Variants in NT5DC1 observed in about 807,000 individuals in gnomAD.
NT5DC1 encodes 5'-nucleotidase domain containing 1, also known as 5'-nucleotidase domain-containing protein 1.
A neutral mutation model predicts 59.4 loss-of-function variants in NT5DC1; 42 were observed. That is an observed-to-expected ratio of 0.71 (90% CI 0.55 to 0.92). NT5DC1 has a LOEUF of 0.92. Among genes scored for constraint, NT5DC1 ranks in the 40% least tolerant of loss-of-function variants. NT5DC1 has a pLI of 0.00. For missense variants in NT5DC1, 501 were observed against 537.1 expected, an observed-to-expected ratio of 0.93 and a Z score of 0.66; for synonymous variants, 172 against 188.1, an observed-to-expected ratio of 0.91 and a Z score of 0.70.
At chr6:116,159,091 C>A (rs1268266290) in intron 6 of NT5DC1, among the ~76,000 whole-genome samples, 1 of 152,154 alleles carries the variant, frequency 6.6e-6, no homozygotes, top group Non-Finnish European at 1.5e-5. Flanking sequence ...TGTCTACTTA[C>A]TAACTAGCAA....
chr6:116,165,309 A>G lies in NT5DC1; in HGVS notation c.529+47364A>G, dbSNP rs79723287. 2.3e-3 allele frequency among the ~76,000 whole-genome samples: 343 copies of G among 152,154 alleles called. 2 individuals carry two copies. The highest frequency in any genetic ancestry group is 8.1e-3 in the African/African-American group (337 of 41,494). ...ACCTTGGATAGTCTGATAACTATAT[A>G]CCTTGGTGATGTTCACCTTATATCA... is the stretch of plus-strand genomic sequence containing the variant. On this transcript the variant is annotated intron_variant, in intron 6 of 11. Coordinates refer to ENST00000319550, the MANE Select transcript of NT5DC1 (RefSeq NM_152729.3).
At chr6:116,238,483 A>G (rs539431928) in intron 10 of NT5DC1, 135 bp downstream of exon 10, 217 of 423,406 alleles carry the variant, frequency 5.1e-4, no homozygotes, top group Middle Eastern at 2.5e-3. Context: ...AAAAAAAAAA[A>G]AGAGACTAAT....
At chr6:116,226,025 A>G (rs549038247) in intron 8 of NT5DC1, among the ~76,000 whole-genome samples, 1 of 152,334 alleles carries the variant, frequency 6.6e-6, no homozygotes, top group South Asian at 2.1e-4. Context: ...CCCAAATCTC[A>G]GTAGTGCCAA....
rs60827021 is a variant in NT5DC1 at position 116,220,122 on chromosome 6, C to CTTTTTTTTTTT, written c.530-919_530-909dup. Among the ~76,000 whole-genome samples, 671 of 98,584 alleles carry CTTTTTTTTTTT rather than the reference C, an allele frequency of 6.8e-3. 20 individuals carry two copies. The highest frequency in any genetic ancestry group is 0.027 in the African/African-American group (615 of 23,000). The allele number at this position is 98,584 out of a possible 152,430, so 64.7% of individuals were successfully genotyped here. A position where few individuals can be genotyped will look rare whatever the true frequency, so the allele number is the denominator to read the frequency against. On this transcript the variant is annotated intron_variant, in intron 6 of 11. Coordinates refer to ENST00000319550, the MANE Select transcript of NT5DC1 (RefSeq NM_152729.3). ...TATCATTCAGTACAAGCTGTTTAACCTTTTTTTTTTTTTTTTTTTTTTTGT... is the reference window on the plus strand; with the variant it reads ...TATCATTCAGTACAAGCTGTTTAACCTTTTTTTTTTTTTTTTTTTTTTTTTTTTTTTTTTGT...
At chr6:116,160,498 T>G (rs1780301102) in intron 6 of NT5DC1, among the ~76,000 whole-genome samples, 1 of 152,226 alleles carries the variant, frequency 6.6e-6, no homozygotes, top group African/African-American at 2.4e-5. Context: ...TTGTTTAACT[T>G]CTTTACAGAT....
At chr6:116,216,743 A>C (rs1043806221) in intron 6 of NT5DC1, among the ~76,000 whole-genome samples, 1 of 152,266 alleles carries the variant, frequency 6.6e-6, no homozygotes, top group Admixed American at 6.5e-5. Context: ...ACCTATAAAT[A>C]AACAAAATAA....
chr6:116,190,906 C>G (rs1471976983), intron 6 of NT5DC1, among the ~76,000 whole-genome samples: 1 of 151,886 alleles, frequency 6.6e-6, no homozygotes, highest in Non-Finnish European at 1.5e-5. Flanking sequence ...TAGTGGTTAC[C>G]CCTGTTTATA....
intron 6 of NT5DC1, among the ~76,000 whole-genome samples, chr6:116,122,529 G>A (rs1562125714): frequency 6.6e-6 from 1 of 152,108 alleles, no homozygotes; most frequent in Middle Eastern, 3.2e-3. Flanking sequence ...AAGAACTAGA[G>A]AATTAGACAT....
In NT5DC1 at chr6:116,238,295, A is replaced by T; in HGVS notation, c.1030A>T (p.Arg344Trp). Residue 344 changes from arginine (R) to tryptophan (W), a missense_variant, in exon 10 of 12, where the codon AGG (arginine) becomes TGG (tryptophan). By Grantham distance (101) the Arg-to-Trp change is moderately radical. Transcript: ENST00000319550. ...AGAACTCAGAGGGGATGAAGGCACG[A>T]GGAGTCAGAGGCCTGAGGAGTCAGA... ...LEELRGDEGT[R>W]SQRPEESEPL... 1 of 1,613,584 alleles carries T rather than the reference A, an allele frequency of 6.2e-7. No individual in the cohort carries two copies. The highest frequency in any genetic ancestry group is 8.5e-7 in the Non-Finnish European group (1 of 1,179,702).
chr6:116,185,395 G>T (rs1011916885), intron 6 of NT5DC1, among the ~76,000 whole-genome samples: 1 of 152,060 alleles, frequency 6.6e-6, no homozygotes, highest in Non-Finnish European at 1.5e-5. Context: ...CTAGGGTATA[G>T]TTTAAGTCCA....
intron 3 of NT5DC1, among the ~76,000 whole-genome samples, chr6:116,109,509 C>T (rs1346336916): frequency 6.6e-6 from 1 of 152,208 alleles, no homozygotes; most frequent in Non-Finnish European, 1.5e-5. Context: ...TTCTTTCTCT[C>T]TTTGTTCTAT....
chr6:116,212,457 T>C (rs1219581106), intron 6 of NT5DC1, among the ~76,000 whole-genome samples: 3 of 152,122 alleles, frequency 2.0e-5, no homozygotes, highest in African/African-American at 7.2e-5. Context: ...GTGATTATAA[T>C]CTTTATGTGT....
chr6:116,188,433 G>A (rs1407693158), intron 6 of NT5DC1, among the ~76,000 whole-genome samples: 2 of 151,996 alleles, frequency 1.3e-5, no homozygotes, highest in African/African-American at 4.8e-5. Flanking sequence ...GCTATGCAGT[G>A]TGTCATACAG....
At chr6:116,164,471 G>A (rs141861855) in intron 6 of NT5DC1, among the ~76,000 whole-genome samples, 117 of 152,192 alleles carry the variant, frequency 7.7e-4, no homozygotes, top group South Asian at 1.7e-3. Context: ...TTGAGCTTGT[G>A]TATGTCTTTA....
intron 6 of NT5DC1, chr6:116,121,712 G>T (rs1350336723): frequency 1.9e-6 from 3 of 1,613,918 alleles, no homozygotes; most frequent in Non-Finnish European, 2.5e-6. Context: ...CCGGGGTCCT[G>T]GTAGGCCAGC....
At chr6:116,234,118 G>A (rs1055503921) in intron 8 of NT5DC1, among the ~76,000 whole-genome samples, 4 of 150,384 alleles carry the variant, frequency 2.7e-5, no homozygotes, top group South Asian at 2.1e-4. Context: ...GCACCACCAT[G>A]CCCGGCTAAT....
At chr6:116,142,346 A>G (rs190664829) in intron 6 of NT5DC1, among the ~76,000 whole-genome samples, 1 of 152,200 alleles carries the variant, frequency 6.6e-6, no homozygotes, top group Admixed American at 6.5e-5. Context: ...CAAGTTGTAA[A>G]AAAAAATTAA....
intron 6 of NT5DC1, among the ~76,000 whole-genome samples, chr6:116,133,516 A>G (rs535524579): frequency 2.2e-4 from 34 of 152,300 alleles, no homozygotes; most frequent in African/African-American, 6.3e-4. Context: ...TTAAGTACCT[A>G]TAGGGCACCT....
intron 6 of NT5DC1, among the ~76,000 whole-genome samples, chr6:116,191,557 A>G (rs1452310515): frequency 6.6e-6 from 1 of 152,094 alleles, no homozygotes; most frequent in Non-Finnish European, 1.5e-5. Flanking sequence ...GTAATAAATT[A>G]TACCTTAAAA....
Sources: allele counts gnomAD v4.1 joint callset (sites outside exome capture counted in the v4.1 genomes callset), GRCh38; gene constraint gnomAD v4.1.1; transcripts MANE v1.5; gene names NCBI Gene and HGNC (gene_info 2026-07-23, HGNC 2026-07-21).